The following RBFOX1 variants were observed in gnomAD, a reference collection of about 807,000 sequenced individuals.
The protein encoded by RBFOX1 is RNA binding fox-1 homolog 1, also known as RNA binding protein fox-1 homolog 1.
A neutral mutation model predicts 57.7 loss-of-function variants in RBFOX1; 8 were observed. The observed-to-expected ratio is 0.14, with a 90% confidence interval of 0.08 to 0.25. RBFOX1 has a LOEUF of 0.25. Among genes scored for constraint, RBFOX1 ranks in the 10% least tolerant of loss-of-function variants. The pLI, the probability that RBFOX1 is intolerant of heterozygous loss-of-function variation, is 1.00. For synonymous variants in RBFOX1, 326 were observed against 222.4 expected, an observed-to-expected ratio of 1.47 and a Z score of -4.15; for missense variants, 611 against 548.5, an observed-to-expected ratio of 1.11 and a Z score of -1.14.
At chr16:7,506,411 C>A (rs566929380) in intron 4 of RBFOX1, among the ~76,000 whole-genome samples, 1 of 151,952 alleles carries the variant, frequency 6.6e-6, no homozygotes, top group Non-Finnish European at 1.5e-5. Flanking sequence ...TAAAAATATG[C>A]GGTGTGTTGG....
chr16:7,661,034 G>C (rs1597500946), intron 12 of RBFOX1, among the ~76,000 whole-genome samples: 1 of 152,198 alleles, frequency 6.6e-6, no homozygotes, highest in Non-Finnish European at 1.5e-5. Context: ...GGCTAGACTA[G>C]GGACTGATCC....
intron 3 of RBFOX1, among the ~76,000 whole-genome samples, chr16:5,740,441 A>T (rs1274424537): frequency 6.6e-6 from 1 of 152,256 alleles, no homozygotes; most frequent in African/African-American, 2.4e-5. Flanking sequence ...ACACTATTCA[A>T]AGCACATTGT....
At chr16:6,380,515 C>G (rs2091700870) in intron 2 of RBFOX1, among the ~76,000 whole-genome samples, 1 of 138,680 alleles carries the variant, frequency 7.2e-6, no homozygotes, top group African/African-American at 2.7e-5. Flanking sequence ...GATGGCAGCA[C>G]AGAAAGGAAG....
chr16:6,171,265 A>T (rs998180103), intron 1 of RBFOX1, among the ~76,000 whole-genome samples: 1 of 152,212 alleles, frequency 6.6e-6, no homozygotes, highest in Non-Finnish European at 1.5e-5. Context: ...CCATGTCAAC[A>T]TATCAATCTA....
intron 4 of RBFOX1, among the ~76,000 whole-genome samples, chr16:7,057,499 C>T (rs1166799425): frequency 6.6e-6 from 1 of 152,180 alleles, no homozygotes; most frequent in Non-Finnish European, 1.5e-5. Flanking sequence ...ATGTATGTTG[C>T]ATCGCTTTCC....
chr16:7,526,099 G>A (rs182691663), intron 5 of RBFOX1, among the ~76,000 whole-genome samples: 282 of 152,260 alleles, frequency 1.9e-3, no homozygotes, highest in African/African-American at 6.6e-3. Context: ...TCAGAGAAGC[G>A]TGAACCCTAT....
intron 4 of RBFOX1, among the ~76,000 whole-genome samples, chr16:7,129,495 G>A (rs1483930303): frequency 6.6e-6 from 1 of 152,092 alleles, no homozygotes; most frequent in East Asian, 1.9e-4. Context: ...GGGCAATTGG[G>A]TAAATTTCAA....
chr16:7,436,406 C>G (rs942663356), intron 4 of RBFOX1, among the ~76,000 whole-genome samples: 3 of 152,108 alleles, frequency 2.0e-5, no homozygotes, highest in Non-Finnish European at 4.4e-5. Flanking sequence ...CTGGAATTTC[C>G]TGTTCAAAGG....
intron 2 of RBFOX1, among the ~76,000 whole-genome samples, chr16:6,351,374 T>A (rs7350875): frequency 0.019 from 951 of 50,284 alleles, 5 homozygotes; most frequent in African/African-American, 0.036. Context: ...ATATATATAT[T>A]TTTTTTTTTT....
rs1757839296 is a variant in RBFOX1 at position 6,833,512 on chromosome 16, A to G, written c.-16+178862A>G. 2.0e-5 allele frequency among the ~76,000 whole-genome samples: 3 copies of G among 152,010 alleles called. No individual in the cohort carries two copies. The South Asian group carries it at 6.2e-4, about 32-fold the overall frequency. The stretch of plus-strand genomic sequence containing the variant: ...CACCTTCTCAGGGAGACCCTCCTTG[A>G]CTTCCCAGACTGGAATGCCAGCCTG... On this transcript the variant is annotated intron_variant, in intron 3 of 15. Coordinates refer to ENST00000550418, the MANE Select transcript of RBFOX1 (RefSeq NM_018723.4).
At chr16:7,408,913 G>A (rs1016785997) in intron 4 of RBFOX1, among the ~76,000 whole-genome samples, 7 of 152,266 alleles carry the variant, frequency 4.6e-5, no homozygotes, top group Non-Finnish European at 7.3e-5. Flanking sequence ...TGTTGGAAGC[G>A]CTTGGCACCT....
intron 4 of RBFOX1, among the ~76,000 whole-genome samples, chr16:5,874,973 T>G (rs888258524): frequency 3.3e-5 from 5 of 151,974 alleles, no homozygotes; most frequent in African/African-American, 7.3e-5. Flanking sequence ...AATGAATGGA[T>G]GGAGAATAGA....
intron 13 of RBFOX1, among the ~76,000 whole-genome samples, chr16:7,665,673 T>C (rs17144516): frequency 3.9e-5 from 6 of 152,128 alleles, no homozygotes; most frequent in Non-Finnish European, 7.3e-5. Flanking sequence ...CATTATGATA[T>C]GAGCATTGAC....
At chr16:5,641,370 A>G (rs1226015253) in intron 3 of RBFOX1, among the ~76,000 whole-genome samples, 1 of 152,230 alleles carries the variant, frequency 6.6e-6, no homozygotes, top group East Asian at 1.9e-4. Context: ...TAAACTACAT[A>G]CACAAGTAGA....
At chr16:5,905,388 A>C (rs1453114012) in intron 4 of RBFOX1, among the ~76,000 whole-genome samples, 1 of 152,026 alleles carries the variant, frequency 6.6e-6, no homozygotes, top group East Asian at 1.9e-4. Context: ...TGATTAGGAC[A>C]CAGACACATA....
chr16:6,780,339 A>G (rs1244654479), intron 3 of RBFOX1, among the ~76,000 whole-genome samples: 2 of 83,106 alleles, frequency 2.4e-5, no homozygotes, highest in East Asian at 2.0e-3. Flanking sequence ...ATATTTATAC[A>G]TATTTATATA....
chr16:6,127,476 G>A (rs1489971058), intron 1 of RBFOX1, among the ~76,000 whole-genome samples: 1 of 152,156 alleles, frequency 6.6e-6, no homozygotes, highest in East Asian at 1.9e-4. Flanking sequence ...GATGTGAAGT[G>A]ATGTGTCTGT....
At chr16:6,489,857 G>C (rs2095592083) in intron 2 of RBFOX1, among the ~76,000 whole-genome samples, 1 of 152,206 alleles carries the variant, frequency 6.6e-6, no homozygotes, top group Admixed American at 6.5e-5. Flanking sequence ...CTAATGTACA[G>C]GAGGGCACAA....
intron 3 of RBFOX1, among the ~76,000 whole-genome samples, chr16:7,039,478 A>G (rs189134005): frequency 5.9e-5 from 9 of 152,320 alleles, no homozygotes; most frequent in Non-Finnish European, 1.2e-4. Context: ...CAAGTTCATT[A>G]ATCATGGCTG....
Sources: gnomAD v4.1 joint callset for allele counts (sites outside exome capture counted in the v4.1 genomes callset) on GRCh38, gnomAD v4.1.1 for gene constraint, MANE v1.5 for transcripts, NCBI Gene and HGNC (gene_info 2026-07-23, HGNC 2026-07-21) for gene names.